The following CYP3A4 variants were observed in gnomAD, a reference collection of about 807,000 sequenced individuals.
The protein encoded by CYP3A4 is cytochrome P450 3A4.
In CYP3A4, 41 loss-of-function variants were observed where a neutral mutation model predicts 54.9. The ratio of observed to expected loss-of-function variants is 0.75; its 90% CI spans 0.58 to 0.97. The LOEUF (loss-of-function observed/expected upper bound fraction) is 0.97, where lower values mean the gene tolerates loss of function less well. Among genes scored for constraint, CYP3A4 ranks in the 50% least tolerant of loss-of-function variants. The pLI is 0.00. For synonymous variants in CYP3A4, 179 were observed against 205.2 expected, an observed-to-expected ratio of 0.87 and a Z score of 1.09; for missense variants, 510 against 597.3, an observed-to-expected ratio of 0.85 and a Z score of 1.52.
rs1286121238 is a variant in CYP3A4 at position 99,758,143 on chromosome 7, C to T, written c.1502G>A (p.Ser501Asn). ...LKVESRDGTV[S>N]GA ...AGTCCTTAGGAAAATTCAGGCTCCA[C>T]TTACGGTGCCATCCCTTGACTCAAC... The change falls in exon 13 of 13, where the codon AGT becomes AAT. Residue 501 changes from serine to asparagine, a missense_variant. Coordinates refer to ENST00000651514, the MANE Select transcript of CYP3A4 (RefSeq NM_017460.6). 1 of 1,613,806 alleles carries T rather than the reference C, an allele frequency of 6.2e-7. No individual in the cohort carries two copies. The highest frequency in any genetic ancestry group is 8.5e-7 in the Non-Finnish European group (1 of 1,179,820).
chr7:99,778,134 T>G, intron 2 of CYP3A4, 54 bp from the exon 3 acceptor site: 5 of 1,415,710 alleles, frequency 3.5e-6, no homozygotes, highest in Non-Finnish European at 4.9e-6. Context: ...TACTTAACCC[T>G]GCCTCTAATT....
chr7:99,772,623 C>A lies in CYP3A4; in HGVS notation c.285G>T (p.Val95=). ...TTGTGAAGACAGAATAACATTCTTT[C>A]ACTAGCACTGTTTTGATCATGTCAG... ...TDPDMIKTVL[V]KECYSVFTNR... The change falls in exon 4 of 13, where the codon GTG becomes GTT. Residue 95 remains valine, a synonymous_variant. Transcript: ENST00000651514. 1 of 1,613,314 alleles carries A rather than the reference C, an allele frequency of 6.2e-7. No homozygotes were observed. The highest frequency in any genetic ancestry group is 8.5e-7 in the Non-Finnish European group (1 of 1,179,490).
chr7:99,761,253 A>G (rs1443074945), intron 11 of CYP3A4, among the ~76,000 whole-genome samples: 1 of 152,234 alleles, frequency 6.6e-6, no homozygotes, highest in Non-Finnish European at 1.5e-5. Context: ...CACTGAAATT[A>G]TATTCAGGGT....
intron 1 of CYP3A4, among the ~76,000 whole-genome samples, chr7:99,782,627 C>CTT (rs1815955721): frequency 3.3e-5 from 5 of 152,194 alleles, no homozygotes; most frequent in Non-Finnish European, 7.4e-5. Context: ...ACCTCCACTA[C>CTT]GGGGCCAGGA....
At chr7:99,771,175 T>C (rs1815625201) in intron 4 of CYP3A4, among the ~76,000 whole-genome samples, 1 of 149,996 alleles carries the variant, frequency 6.7e-6, no homozygotes, top group East Asian at 1.9e-4. Flanking sequence ...AATAAAAGAA[T>C]TGTCTCTATT....
chr7:99,772,714 T>G (rs1020147363), intron 3 of CYP3A4, 25 bp from the exon 4 acceptor site: 1 of 1,611,418 alleles, frequency 6.2e-7, no homozygotes, highest in Non-Finnish European at 8.5e-7. Flanking sequence ...CAGAGTTGAT[T>G]AAACATCAAC....
chr7:99,778,119 TA>T, intron 2 of CYP3A4, 39 bp from the exon 3 acceptor site: 1 of 1,507,224 alleles, frequency 6.6e-7, no homozygotes, highest in Non-Finnish European at 9.2e-7. Flanking sequence ...TTATTATTTT[TA>T]ATGTACTTAA....
intron 12 of CYP3A4, among the ~76,000 whole-genome samples, chr7:99,760,299 A>C (rs1001309110): frequency 6.6e-6 from 1 of 152,164 alleles, no homozygotes; most frequent in Non-Finnish European, 1.5e-5. Context: ...GCTTCACATG[A>C]GAAGCAATGG....
chr7:99,767,108 C>T (rs771222055), intron 8 of CYP3A4, 23 bp downstream of exon 8: 4 of 1,603,696 alleles, frequency 2.5e-6, no homozygotes, highest in Non-Finnish European at 3.4e-6. Flanking sequence ...AAACATCCTC[C>T]TATAACTACC....
chr7:99,768,539 C>G, intron 6 of CYP3A4, 37 bp from the exon 7 acceptor site: 1 of 1,612,514 alleles, frequency 6.2e-7, no homozygotes, highest in Non-Finnish European at 8.5e-7. Context: ...AAAATCAGCA[C>G]CTTTTTACCA....
intron 3 of CYP3A4, among the ~76,000 whole-genome samples, chr7:99,773,841 A>G (rs1256327168): frequency 6.6e-6 from 1 of 152,228 alleles, no homozygotes; most frequent in Non-Finnish European, 1.5e-5. Context: ...AGAAATAACT[A>G]AGATCAGAGC....
rs930824396 is a variant in CYP3A4 at position 99,766,515 on chromosome 7, C to G, written c.799-72G>C. 1.9e-6 allele frequency: 3 copies of G among 1,575,710 alleles called. No individual in the cohort carries two copies. The African/African-American group carries it at 4.1e-5, about 21-fold the overall frequency. On this transcript the variant is annotated intron_variant, in intron 8 of 12. Transcript: ENST00000651514. The stretch of plus-strand genomic sequence containing the variant: ...GTCAGAAGTAAATCACAAGCGTGGT[C>G]CTTGATCTCCCTTCTGAGAATATGG...
chr7:99,768,563 C>T (rs2151559006), intron 6 of CYP3A4, 61 bp from the exon 7 acceptor site: 1 of 1,611,330 alleles, frequency 6.2e-7, no homozygotes, highest in East Asian at 2.2e-5. Flanking sequence ...TTCCTCTATG[C>T]ATGCAACAGG....
chr7:99,779,920 C>T (rs1815870137), intron 2 of CYP3A4, 72 bp downstream of exon 2: 1 of 1,417,014 alleles, frequency 7.1e-7, no homozygotes, highest in Non-Finnish European at 9.9e-7. Flanking sequence ...TGAGGAGAAG[C>T]ATTTTTACTG....
intron 8 of CYP3A4, 188 bp from the exon 9 acceptor site, chr7:99,766,631 T>C (rs1815483440): frequency 1.4e-6 from 1 of 708,688 alleles, no homozygotes; most frequent in Non-Finnish European, 2.3e-6. Flanking sequence ...GATGTTTTCC[T>C]GAAACAAATC....
chr7:99,767,323 A>T (rs2151558060), intron 7 of CYP3A4, 65 bp from the exon 8 acceptor site: 1 of 1,421,850 alleles, frequency 7.0e-7, no homozygotes, highest in Non-Finnish European at 9.5e-7. Context: ...ATTTACCTGG[A>T]GCAATTCTAG....
chr7:99,772,517 CTA>C (rs1815660132), intron 4 of CYP3A4, 71 bp downstream of exon 4: 1 of 1,584,136 alleles, frequency 6.3e-7, no homozygotes, highest in African/African-American at 1.4e-5. Context: ...AGGCAACTGT[CTA>C]TGAATATATA....
chr7:99,763,449 C>A (rs56353150), intron 10 of CYP3A4, among the ~76,000 whole-genome samples: 1 of 151,906 alleles, frequency 6.6e-6, no homozygotes, highest in South Asian at 2.1e-4. Context: ...ATAAAAAGAG[C>A]AAATTCCTGT....
chr7:99,770,031 C>T (rs1815588088), intron 5 of CYP3A4, 91 bp downstream of exon 5: 1 of 1,527,112 alleles, frequency 6.5e-7, no homozygotes, highest in Admixed American at 1.7e-5. Flanking sequence ...AGTGGACTAC[C>T]CCTTGGAAAG....
Sources: gnomAD v4.1 joint callset for allele counts (sites outside exome capture counted in the v4.1 genomes callset) on GRCh38, gnomAD v4.1.1 for gene constraint, MANE v1.5 for transcripts, NCBI Gene and HGNC (gene_info 2026-07-23, HGNC 2026-07-21) for gene names.